The following ANKRD30BL variants were observed in gnomAD, a reference collection of about 807,000 sequenced individuals.
ANKRD30BL encodes the protein ankyrin repeat domain 30B like.
ANKRD30BL carries 20 observed loss-of-function variants against 18.4 expected under a neutral mutation model. The ratio of observed to expected loss-of-function variants is 1.09; its 90% CI spans 0.77 to 1.58. The LOEUF (loss-of-function observed/expected upper bound fraction) is 1.58, where lower values mean the gene tolerates loss of function less well. Among genes scored for constraint, ANKRD30BL ranks in the 40% most tolerant of loss-of-function variants. The probability of loss-of-function intolerance (pLI) is 0.00; values close to 1 mark genes in which losing one functional copy is unlikely to be tolerated. For synonymous variants in ANKRD30BL, 72 were observed against 100.9 expected (o/e 0.71, Z 1.72); for missense variants, 224 against 268.6 (o/e 0.83, Z 1.16).
At position 132,220,821 on chromosome 2, in the gene ANKRD30BL, G is replaced by A. The variant is rs556279190; in HGVS notation, n.441+36708C>T. On this transcript the variant is annotated intron_variant and non_coding_transcript_variant, in intron 1 of 4. Coordinates refer to the ANKRD30BL transcript ENST00000470729. Reference sequence around the variant, plus strand: ...AAGTGAGGAGCGTCTCTGCCTGGCCGCCCATCGTCTGGGATATGAGGAGCT... The same window carrying A: ...AAGTGAGGAGCGTCTCTGCCTGGCCACCCATCGTCTGGGATATGAGGAGCT... Among the ~76,000 whole-genome samples the A allele has an allele frequency of 2.6e-3, 385 of 150,684 alleles. 4 individuals carry two copies. The highest frequency in any genetic ancestry group is 8.9e-3 in the African/African-American group (360 of 40,616).
chr2:132,155,545 A>T (rs1263444212), intron 3 of ANKRD30BL: 2 of 152,150 alleles, frequency 1.3e-5, no homozygotes, highest in Non-Finnish European at 2.9e-5. Flanking sequence ...GCTTATTATT[A>T]AATGGTCCAT....
At chr2:132,161,992 C>G (rs1016660288), upstream of ANKRD30BL, 10 of 313,910 alleles carry the variant, frequency 3.2e-5, no homozygotes, top group African/African-American at 1.7e-4. Flanking sequence ...CTGGGAGACA[C>G]GCGAGGCAGG....
In ANKRD30BL at chr2:132,221,262, C is replaced by T. The variant is rs1043020192; in HGVS notation, n.441+36267G>A. The stretch of plus-strand genomic sequence containing the variant: ...TGAGGGGCTCCTCTGCCCGGCCGCC[C>T]CTACTGGGAAGTGAGGAGCCCCTCT... On this transcript the variant is annotated intron_variant and non_coding_transcript_variant, in intron 1 of 4. Transcript: ENST00000470729. 3.2e-4 allele frequency among the ~76,000 whole-genome samples: 47 copies of T among 147,946 alleles called. No individual in the cohort carries two copies. In the East Asian group the frequency reaches 5.6e-3, roughly 18 times the overall value.
rs1185540155 is a variant in ANKRD30BL, at chr2:132,221,389, C to T, written n.441+36140G>A. ...GGGGAGGGGGGGTCAGCCCCCTGCC[C>T]GGCCAGCCGCCCCGTCCGGGAGGGA... On this transcript the variant is annotated intron_variant and non_coding_transcript_variant, in intron 1 of 4. Coordinates refer to the ANKRD30BL transcript ENST00000470729. Among the ~76,000 whole-genome samples the T allele has an allele frequency of 6.9e-3, 923 of 134,066 alleles. 7 individuals are homozygous for T. The highest frequency in any genetic ancestry group is 0.028 in the African/African-American group (878 of 30,998). The allele number at this position is 134,066 out of a possible 152,430, so 88.0% of individuals were successfully genotyped here.
intron 4 of ANKRD30BL, chr2:132,152,434 G>C (rs201330358): frequency 6.6e-6 from 1 of 152,208 alleles, no homozygotes; most frequent in Non-Finnish European, 1.5e-5. Context: ...TTGAGATTTA[G>C]TGAAGTCTAT....
At chr2:132,166,375 C>T (rs558651146), upstream of ANKRD30BL, among the ~76,000 whole-genome samples, 1 of 150,514 alleles carries the variant, frequency 6.6e-6, no homozygotes, top group East Asian at 2.0e-4. Flanking sequence ...GGTATAATTT[C>T]TCCATTAAAT....
At chr2:132,202,922 C>G (rs890921271) in intron 1 of ANKRD30BL, among the ~76,000 whole-genome samples, 1 of 152,144 alleles carries the variant, frequency 6.6e-6, no homozygotes, top group Non-Finnish European at 1.5e-5. Flanking sequence ...AAATTAAAAT[C>G]TTGTTTGATT....
At chr2:132,160,664 A>G (rs78104668) in intron 1 of ANKRD30BL, among the ~76,000 whole-genome samples, 2 of 146,990 alleles carry the variant, frequency 1.4e-5, no homozygotes, top group African/African-American at 5.1e-5. Context: ...TCCTGACCTC[A>G]TGATCCACCC....
At chr2:132,161,182 C>T in intron 1 of ANKRD30BL, among the ~76,000 whole-genome samples, 1 of 151,146 alleles carries the variant, frequency 6.6e-6, no homozygotes, top group East Asian at 2.0e-4. Context: ...TAAGTTAAAT[C>T]ACTTTAAAAT....
upstream of ANKRD30BL, among the ~76,000 whole-genome samples, chr2:132,163,334 C>G (rs1289142871): frequency 6.6e-6 from 1 of 151,834 alleles, no homozygotes; most frequent in African/African-American, 2.4e-5. Flanking sequence ...GCCTGTGGCC[C>G]CAGCTACTTG....
chr2:132,234,907 C>G (rs961419488), intron 1 of ANKRD30BL, among the ~76,000 whole-genome samples: 1 of 152,156 alleles, frequency 6.6e-6, no homozygotes, highest in Admixed American at 6.6e-5. Flanking sequence ...AGACCAATAT[C>G]CTTAATGAAC....
In ANKRD30BL at chr2:132,177,249, G is replaced by T. The variant is rs567920907; in HGVS notation, n.442-20103C>A. Among the ~76,000 whole-genome samples the T allele has an allele frequency of 2.0e-5, 3 of 152,166 alleles. No homozygotes were observed. In the East Asian group the frequency reaches 5.8e-4, roughly 29 times the overall value. ...TCTCACTGCAACCTGAGCCTCCTGG[G>T]TTCAAGCGATTCTCCTGCCTCAGCC... On this transcript the variant is annotated intron_variant and non_coding_transcript_variant, in intron 1 of 4. Coordinates refer to the ANKRD30BL transcript ENST00000470729.
intron 1 of ANKRD30BL, among the ~76,000 whole-genome samples, chr2:132,203,473 C>A (rs1016677159): frequency 2.6e-5 from 4 of 152,002 alleles, no homozygotes; most frequent in African/African-American, 9.7e-5. Context: ...AACAATGAGA[C>A]ATAAGCCATA....
chr2:132,234,378 A>C (rs1680097155), intron 1 of ANKRD30BL, among the ~76,000 whole-genome samples: 1 of 152,146 alleles, frequency 6.6e-6, no homozygotes, highest in Non-Finnish European at 1.5e-5. Flanking sequence ...AAACCCTTCA[A>C]AAAATTAATG....
At chr2:132,188,713 A>AAACAACAACAAC (rs72500297) in intron 1 of ANKRD30BL, among the ~76,000 whole-genome samples, 16 of 151,504 alleles carry the variant, frequency 1.1e-4, no homozygotes, top group African/African-American at 3.9e-4. Flanking sequence ...CTGTCTCAGA[A>AAACAACAACAAC]AACAACAACA....
chr2:132,215,272 C>T (rs1476590228), intron 1 of ANKRD30BL, among the ~76,000 whole-genome samples: 2 of 152,242 alleles, frequency 1.3e-5, no homozygotes, highest in African/African-American at 4.8e-5. Flanking sequence ...TTTGATTGAG[C>T]AGTTTGGAAA....
chr2:132,165,764 A>C (rs1688177846), upstream of ANKRD30BL, among the ~76,000 whole-genome samples: 1 of 138,646 alleles, frequency 7.2e-6, no homozygotes. Context: ...TATATGTAAG[A>C]CTTTTTTTTT....
rs568763615 is a variant in ANKRD30BL at position 132,183,454 on chromosome 2, A to G, written n.442-26308T>C. The stretch of plus-strand genomic sequence containing the variant: ...ACTTTTAGAATATTTAATGCTTCAT[A>G]AATATGACGTAAAAAAGGGTGAGCT... On this transcript the variant is annotated intron_variant and non_coding_transcript_variant, in intron 1 of 4. Coordinates refer to the ANKRD30BL transcript ENST00000470729. Among the ~76,000 whole-genome samples the G allele has an allele frequency of 2.6e-5, 4 of 152,180 alleles. No homozygotes were observed. The South Asian group carries it at 8.3e-4, about 32-fold the overall frequency.
At chr2:132,217,167 C>G (rs572440515) in intron 1 of ANKRD30BL, among the ~76,000 whole-genome samples, 1 of 151,242 alleles carries the variant, frequency 6.6e-6, no homozygotes, top group African/African-American at 2.4e-5. Flanking sequence ...GAGTTGGACA[C>G]ACTTTATCAT....
Sources: allele counts gnomAD v4.1 joint callset (sites outside exome capture counted in the v4.1 genomes callset), GRCh38; gene constraint gnomAD v4.1.1; transcripts MANE v1.5; gene names NCBI Gene and HGNC (gene_info 2026-07-23, HGNC 2026-07-21).